Variants in PAX3 observed in about 807,000 individuals in gnomAD.
The protein encoded by PAX3 is paired box 3.
Under a neutral mutation model 51.6 loss-of-function variants are expected in PAX3, and 14 were observed. That is an observed-to-expected ratio of 0.27 (90% confidence interval 0.18 to 0.42). The LOEUF is 0.42. PAX3 is among the 10% of genes least tolerant of loss of function. PAX3 has a pLI of 1.00. For synonymous variants in PAX3, 280 were observed against 253.4 expected (o/e 1.11, Z -1.00); for missense variants, 540 against 642.8 (o/e 0.84, Z 1.73).
chr2:222,206,137 A>AT (rs1203823672), intron 7 of PAX3, among the ~76,000 whole-genome samples: 2 of 137,670 alleles, frequency 1.5e-5, no homozygotes, highest in Admixed American at 1.5e-4. Context: ...ATTTTGTACC[A>AT]ATTTTTTTTT....
At chr2:222,291,042 C>A (rs1186357626) in intron 4 of PAX3, among the ~76,000 whole-genome samples, 2 of 152,054 alleles carry the variant, frequency 1.3e-5, no homozygotes, top group Non-Finnish European at 2.9e-5. Context: ...TTCGAGCCGG[C>A]CAGAGAGTAG....
intron 4 of PAX3, among the ~76,000 whole-genome samples, chr2:222,291,941 C>A (rs185996308): frequency 6.6e-6 from 1 of 150,508 alleles, no homozygotes; most frequent in African/African-American, 2.5e-5. Context: ...CTTGACAACC[C>A]CAAATTAAAT....
At position 222,294,162 on chromosome 2, in the gene PAX3, C is replaced by T. The variant is rs755362476; in HGVS notation, c.586+5G>A. 6.2e-7 allele frequency: 1 copy of T among 1,614,260 alleles called. No homozygotes were observed. The highest frequency in any genetic ancestry group is 8.5e-7 in the Non-Finnish European group (1 of 1,180,042). On this transcript the variant is annotated splice_donor_5th_base_variant and intron_variant, in intron 4 of 8. Coordinates refer to ENST00000392070, the MANE Select transcript of PAX3 (RefSeq NM_181458.4). ...AAGTGCGCCGCCCAAGGCGCCACCGCTTACCTCGCTCGCTCAGGATGCCGT... is the reference window on the plus strand; with the variant it reads ...AAGTGCGCCGCCCAAGGCGCCACCGTTTACCTCGCTCGCTCAGGATGCCGT...
intron 4 of PAX3, among the ~76,000 whole-genome samples, chr2:222,260,565 G>GGT (rs1693810303): frequency 1.8e-5 from 1 of 55,860 alleles, no homozygotes; most frequent in Middle Eastern, 0.013. Flanking sequence ...TTTTTTTTTT[G>GGT]TTTTTTTTTT....
At chr2:222,293,989 T>A (rs1574763481) in intron 4 of PAX3, 178 bp downstream of exon 4, 1 of 1,529,888 alleles carries the variant, frequency 6.5e-7, no homozygotes, top group East Asian at 2.3e-5. Flanking sequence ...AATGTTTGTT[T>A]TGATTCCTAG....
intron 4 of PAX3, among the ~76,000 whole-genome samples, chr2:222,276,261 G>A (rs1277123368): frequency 1.3e-5 from 2 of 152,196 alleles, no homozygotes; most frequent in Admixed American, 1.3e-4. Context: ...TTTGACAAGA[G>A]GTACAAGAAA....
intron 4 of PAX3, among the ~76,000 whole-genome samples, chr2:222,274,680 CTCT>C (rs1161503691): frequency 2.6e-5 from 4 of 152,008 alleles, no homozygotes; most frequent in Non-Finnish European, 4.4e-5. Flanking sequence ...AGAATAACAA[CTCT>C]TCTTCGAACC....
intron 4 of PAX3, among the ~76,000 whole-genome samples, chr2:222,283,053 A>G (rs534864641): frequency 5.1e-4 from 78 of 152,386 alleles, no homozygotes; most frequent in African/African-American, 1.9e-3. Context: ...CAAAGCTACC[A>G]GAATTACAAA....
intron 5 of PAX3, among the ~76,000 whole-genome samples, chr2:222,225,229 A>G (rs1433877136): frequency 2.0e-5 from 3 of 152,114 alleles, no homozygotes; most frequent in South Asian, 2.1e-4. Context: ...AGCCCGGTTC[A>G]TTTTTATCTG....
chr2:222,208,927 C>G (rs1691613689), intron 7 of PAX3, among the ~76,000 whole-genome samples: 1 of 152,160 alleles, frequency 6.6e-6, no homozygotes, highest in African/African-American at 2.4e-5. Context: ...AAATGCAAGG[C>G]TGATTCACCC....
At chr2:222,293,749 G>A (rs1356369505) in intron 4 of PAX3, 2 of 1,614,152 alleles carry the variant, frequency 1.2e-6, no homozygotes, top group Admixed American at 1.7e-5. Flanking sequence ...CCGGAGACCA[G>A]GGCCTTTCCT....
intron 4 of PAX3, among the ~76,000 whole-genome samples, chr2:222,275,673 G>A (rs1694394444): frequency 6.6e-6 from 1 of 152,122 alleles, no homozygotes. Flanking sequence ...GATAGGCTAT[G>A]ACATTTTGCT....
chr2:222,284,866 T>C (rs1694779356), intron 4 of PAX3, among the ~76,000 whole-genome samples: 2 of 152,204 alleles, frequency 1.3e-5, no homozygotes, highest in Admixed American at 1.3e-4. Flanking sequence ...TTCCCTATCT[T>C]AGAGATGTCA....
chr2:222,285,867 A>G (rs1375132036), intron 4 of PAX3, among the ~76,000 whole-genome samples: 1 of 152,198 alleles, frequency 6.6e-6, no homozygotes, highest in African/African-American at 2.4e-5. Context: ...AATCAGTGGT[A>G]TTTCCTCTCC....
At chr2:222,276,445 C>T (rs1007287921) in intron 4 of PAX3, among the ~76,000 whole-genome samples, 3 of 152,178 alleles carry the variant, frequency 2.0e-5, no homozygotes, top group African/African-American at 4.8e-5. Context: ...TGAAGGGTCC[C>T]GGTCCTCTCC....
At chr2:222,253,356 A>G (rs371446686) in intron 4 of PAX3, among the ~76,000 whole-genome samples, 2 of 152,340 alleles carry the variant, frequency 1.3e-5, no homozygotes, top group South Asian at 2.1e-4. Flanking sequence ...TATGAAATGC[A>G]TATCCTGGTT....
intron 4 of PAX3, among the ~76,000 whole-genome samples, chr2:222,272,571 T>C (rs1470993465): frequency 6.6e-6 from 1 of 152,248 alleles, no homozygotes; most frequent in East Asian, 1.9e-4. Context: ...CTGTTTTTAA[T>C]TTACAAATTA....
At chr2:222,248,848 T>C (rs1377975149) in intron 4 of PAX3, among the ~76,000 whole-genome samples, 1 of 152,168 alleles carries the variant, frequency 6.6e-6, no homozygotes, top group Non-Finnish European at 1.5e-5. Flanking sequence ...TTATTTTGAC[T>C]GTCACAATGC....
chr2:222,222,419 T>G (rs983836431), intron 5 of PAX3, among the ~76,000 whole-genome samples: 2 of 151,992 alleles, frequency 1.3e-5, no homozygotes, highest in African/African-American at 4.8e-5. Flanking sequence ...TTTTTTTTTT[T>G]TTTTGAGACA....
Sources: allele counts gnomAD v4.1 joint callset (sites outside exome capture counted in the v4.1 genomes callset), GRCh38; gene constraint gnomAD v4.1.1; transcripts MANE v1.5; gene names NCBI Gene and HGNC (gene_info 2026-07-23, HGNC 2026-07-21).